The following UNC13A variants were observed in gnomAD, a reference collection of about 807,000 sequenced individuals.
UNC13A encodes protein unc-13 homolog A.
Under a neutral mutation model 219.7 loss-of-function variants are expected in UNC13A, and 61 were observed. The observed-to-expected ratio is 0.28, with a 90% CI of 0.23 to 0.34. The LOEUF (loss-of-function observed/expected upper bound fraction) is 0.34. Among genes scored for constraint, UNC13A ranks in the 10% least tolerant of loss-of-function variants. UNC13A has a pLI of 1.00. For synonymous variants in UNC13A, 920 were observed against 884.6 expected (o/e 1.04, Z -0.71); for missense variants, 1,476 against 2,270.3 (o/e 0.65, Z 7.11).
chr19:17,651,606 A>G (rs1023120318), intron 12 of UNC13A, among the ~76,000 whole-genome samples: 6 of 152,336 alleles, frequency 3.9e-5, no homozygotes, highest in African/African-American at 1.4e-4. Context: ...TATTCAACCT[A>G]CAAAGCTTTC....
Position 17,608,269 on chromosome 19 carries a change from T to A in UNC13A, c.4811+1671A>T, listed in dbSNP as rs1038536874. Among the ~76,000 whole-genome samples the A allele has an allele frequency of 2.8e-5, 4 of 140,634 alleles. No individual in the cohort carries two copies. The East Asian group carries it at 7.8e-4, about 27-fold the overall frequency. The allele number at this position is 140,634 out of a possible 152,430, so 92.3% of individuals were successfully genotyped here. A position where few individuals can be genotyped will look rare whatever the true frequency, so the allele number is the denominator to read the frequency against. ...TATATAATATATGAAATATATAATA[T>A]ATATACTTTTATATATAATATAATA... is the stretch of plus-strand genomic sequence containing the variant. On this transcript the variant is annotated intron_variant, in intron 43 of 43. Coordinates refer to ENST00000519716, the MANE Select transcript of UNC13A (RefSeq NM_001080421.3).
intron 7 of UNC13A, among the ~76,000 whole-genome samples, chr19:17,664,202 A>T (rs2079602136): frequency 6.6e-6 from 1 of 152,164 alleles, no homozygotes; most frequent in Non-Finnish European, 1.5e-5. Flanking sequence ...GCAGTCTCCC[A>T]GTCTCCACCC....
rs761015301 is a variant in UNC13A, at chr19:17,617,892, T to C, written c.4411-43A>G. The C allele has an allele frequency of 9.9e-6, 16 of 1,609,524 alleles. No individual in the cohort carries two copies. In the South Asian group the frequency reaches 1.8e-4, roughly 18 times the overall value. On this transcript the variant is annotated intron_variant, in intron 40 of 43. Coordinates refer to ENST00000519716, the MANE Select transcript of UNC13A (RefSeq NM_001080421.3). ...GGGAGAGGTGAGGATGGTGGGAACC[T>C]CTACCCACTCATAGGGCTGGGTAGC...
In UNC13A at chr19:17,647,467, G is replaced by A. The variant is rs977471134; in HGVS notation, c.1842C>T (p.His614=). Residue 614 remains histidine, a synonymous_variant, in exon 17 of 44, where the codon CAC becomes CAT. Coordinates refer to ENST00000519716, the MANE Select transcript of UNC13A (RefSeq NM_001080421.3). ...TGTTCTGTGTCCGGTCCTCCGCCCCGTGCTTGGAGCTCTTCTCCGCAGCCC... is the reference window on the plus strand; with the variant it reads ...TGTTCTGTGTCCGGTCCTCCGCCCCATGCTTGGAGCTCTTCTCCGCAGCCC... ...LQRAAEKSSK[H]GAEDRTQNII... 1.5e-5 allele frequency: 24 copies of A among 1,612,998 alleles called. No individual in the cohort carries two copies. The highest frequency in any genetic ancestry group is 1.9e-5 in the Non-Finnish European group (23 of 1,179,700).
intron 9 of UNC13A, among the ~76,000 whole-genome samples, 178 bp downstream of exon 9, chr19:17,657,883 GA>G (rs67859749): frequency 0.21 from 29,491 of 139,618 alleles, 3,142 homozygotes; most frequent in African/African-American, 0.29. Context: ...AAAAAGAAAA[GA>G]AAAAAAAAAA....
At chr19:17,657,242 T>C (rs1042499997) in intron 9 of UNC13A, among the ~76,000 whole-genome samples, 11 of 152,040 alleles carry the variant, frequency 7.2e-5, no homozygotes, top group African/African-American at 1.9e-4. Context: ...CCTCCACTTC[T>C]CCCCGCCTCC....
chr19:17,656,948 G>T (rs574504045), intron 9 of UNC13A, among the ~76,000 whole-genome samples: 1 of 151,622 alleles, frequency 6.6e-6, no homozygotes, highest in Non-Finnish European at 1.5e-5. Flanking sequence ...CAGGGTCAGC[G>T]CCATCACCAC....
chr19:17,628,318 C>A, intron 31 of UNC13A: 1 of 192,710 alleles, frequency 5.2e-6, no homozygotes, highest in Admixed American at 6.0e-5. Context: ...AGGCGTGTGC[C>A]CTCACCCCGA....
chr19:17,656,706 G>T (rs1297488354), intron 9 of UNC13A, among the ~76,000 whole-genome samples: 1 of 152,060 alleles, frequency 6.6e-6, no homozygotes, highest in South Asian at 2.1e-4. Context: ...ACAAAAATTA[G>T]CTGCGCATGG....
intron 43 of UNC13A, 130 bp downstream of exon 43, chr19:17,609,810 C>G: frequency 7.6e-7 from 1 of 1,317,966 alleles, no homozygotes; most frequent in Non-Finnish European, 1.1e-6. Context: ...TCCAGCACCC[C>G]CACCTAGAAT....
intron 11 of UNC13A, among the ~76,000 whole-genome samples, chr19:17,654,878 C>G (rs1475095327): frequency 1.3e-5 from 2 of 152,166 alleles, no homozygotes; most frequent in African/African-American, 4.8e-5. Context: ...ATCTAGAAAC[C>G]CCAGGCTGAC....
chr19:17,616,113 C>A (rs2076659436), intron 41 of UNC13A, among the ~76,000 whole-genome samples: 1 of 152,178 alleles, frequency 6.6e-6, no homozygotes, highest in Non-Finnish European at 1.5e-5. Flanking sequence ...GGAATCAGAG[C>A]CCAGCTCTTA....
At position 17,674,092 on chromosome 19, in the gene UNC13A, G is replaced by C. The variant is rs771626043; in HGVS notation, c.152+565C>G. 1.3e-5 allele frequency among the ~76,000 whole-genome samples: 2 copies of C among 152,242 alleles called. No individual in the cohort carries two copies. Among genetic ancestry groups the C allele is most frequent in the Non-Finnish European group, 2.9e-5 (2 of 68,046 alleles). ...CTGAAATTGTAGCTTGGAGGTAGTG[G>C]TCAGGGAGGGCTTCACTGAGGAGGT... On this transcript the variant is annotated intron_variant, in intron 3 of 43. Coordinates refer to ENST00000519716, the MANE Select transcript of UNC13A (RefSeq NM_001080421.3). This position sits in a 1 kb window ranked among gnomAD's most constrained non-coding sequence, Gnocchi z 5.0.
chr19:17,632,676 CT>C lies in UNC13A; in HGVS notation c.3428+105del, dbSNP rs1276985481. ...CTGGATTCAAGCCCCACCCATGCCC[CT>C]GATGCCCAGGTAACCCTAAGTAGGT... On this transcript the variant is annotated intron_variant, in intron 28 of 43. Transcript: ENST00000519716. 47 of 1,546,068 alleles carry C rather than the reference CT, an allele frequency of 3.0e-5. No homozygotes were observed. The African/African-American group carries it at 5.8e-4, about 19-fold the overall frequency.
chr19:17,607,630 C>A (rs1461724885), intron 43 of UNC13A, among the ~76,000 whole-genome samples: 1 of 152,044 alleles, frequency 6.6e-6, no homozygotes, highest in East Asian at 1.9e-4. Context: ...GTCACCCAGG[C>A]TGGAGTGCAG....
intron 43 of UNC13A, among the ~76,000 whole-genome samples, chr19:17,609,225 G>C (rs576975750): frequency 8.9e-4 from 130 of 146,248 alleles, no homozygotes; most frequent in Non-Finnish European, 1.4e-3. Flanking sequence ...CTGCCTCGGC[G>C]TCCCAGAGTG....
intron 28 of UNC13A, among the ~76,000 whole-genome samples, chr19:17,631,054 TCCTTC>T (rs2076838657): frequency 6.9e-6 from 1 of 145,884 alleles, no homozygotes. Context: ...CCTCCGTCCA[TCCTTC>T]CCTCCCTCCC....
chr19:17,606,180 G>C lies in UNC13A; in HGVS notation c.4986C>G (p.Asp1662Glu), dbSNP rs750734751. ...TTCGCAGCACCGTGAGGCCCGTGTC[G>C]TCCATGTGGATGCGGCGGCCGAGCG... is the stretch of plus-strand genomic sequence containing the variant. The part of the protein sequence containing the change: ...WLPLGRRIHM[D>E]DTGLTVLRIL... Residue 1662 changes from aspartate to glutamate, a missense_variant, in exon 44 of 44, where the codon GAC becomes GAG. Physicochemically the swap from Asp to Glu is conservative, Grantham distance 45. Coordinates refer to ENST00000519716, the MANE Select transcript of UNC13A (RefSeq NM_001080421.3). 6.4e-7 allele frequency: 1 copy of C among 1,567,446 alleles called. No individual in the cohort carries two copies. Among genetic ancestry groups the C allele is most frequent in the South Asian group, 1.2e-5 (1 of 85,488 alleles).
At chr19:17,650,347 C>G (rs988143334) in intron 12 of UNC13A, among the ~76,000 whole-genome samples, 6 of 151,882 alleles carry the variant, frequency 4.0e-5, no homozygotes, top group Admixed American at 2.0e-4. Flanking sequence ...AACCCCGTCT[C>G]TACTAAAAAT....
Sources: gnomAD v4.1 joint callset for allele counts (sites outside exome capture counted in the v4.1 genomes callset) on GRCh38, gnomAD v4.1.1 for gene constraint, Gnocchi (gnomAD v3.1) non-coding constraint, MANE v1.5 for transcripts, NCBI Gene and HGNC (gene_info 2026-07-23, HGNC 2026-07-21) for gene names.